Variants in PRKN observed in about 807,000 individuals in gnomAD.
The protein encoded by PRKN is parkin RBR E3 ubiquitin protein ligase.
A neutral mutation model predicts 59.5 loss-of-function variants in PRKN; 56 were observed. The ratio of observed to expected loss-of-function variants is 0.94; its 90% CI spans 0.76 to 1.18. PRKN has a LOEUF of 1.18. Ranked by LOEUF, PRKN falls within the 50% of genes most tolerant of loss-of-function variation. The pLI is 0.00. For missense variants in PRKN, 657 were observed against 596.4 expected, an observed-to-expected ratio of 1.10 and a Z score of -1.06; for synonymous variants, 250 against 222.1, an observed-to-expected ratio of 1.13 and a Z score of -1.12.
intron 6 of PRKN, among the ~76,000 whole-genome samples, chr6:161,914,328 T>G (rs1341213663): frequency 6.6e-6 from 1 of 152,178 alleles, no homozygotes; most frequent in Admixed American, 6.5e-5. Flanking sequence ...ATTTGTGACC[T>G]TTTATGAAAA....
At chr6:162,242,594 A>G (rs976510168) in intron 3 of PRKN, among the ~76,000 whole-genome samples, 1 of 152,170 alleles carries the variant, frequency 6.6e-6, no homozygotes, top group Non-Finnish European at 1.5e-5. Flanking sequence ...TCATGCAAAA[A>G]TATTTTGATA....
In PRKN at chr6:161,470,847, T is replaced by C. The variant is rs551693563; in HGVS notation, c.1083+78007A>G. 1.2e-3 allele frequency among the ~76,000 whole-genome samples: 188 copies of C among 152,224 alleles called. No individual in the cohort carries two copies. The highest frequency in any genetic ancestry group is 4.4e-3 in the African/African-American group (182 of 41,544). On this transcript the variant is annotated intron_variant, in intron 9 of 11. Transcript: ENST00000366898. The surrounding 1 kb of genome is among the most constrained non-coding windows in gnomAD (Gnocchi z 5.1). ...ATGAATCTGAGATTTGTGGGCTGGGTGTCTGCCTATGTGTGTGCAGAGAAC... is the reference window on the plus strand; with the variant it reads ...ATGAATCTGAGATTTGTGGGCTGGGCGTCTGCCTATGTGTGTGCAGAGAAC...
intron 1 of PRKN, among the ~76,000 whole-genome samples, chr6:162,589,792 C>T (rs1781228128): frequency 1.3e-5 from 2 of 152,186 alleles, no homozygotes; most frequent in South Asian, 4.1e-4. Context: ...TTTGTTTTCT[C>T]ACTTTAAAAC....
rs554798663 is a variant in PRKN at position 161,862,851 on chromosome 6, C to T, written c.735-76943G>A. ...AAGTGGTCAGAAGTAAAAGCTATTT[C>T]CTGTTTGGTTTGTTTTTTTAAGAGA... On this transcript the variant is annotated intron_variant, in intron 6 of 11. Transcript: ENST00000366898. 2.0e-5 allele frequency among the ~76,000 whole-genome samples: 3 copies of T among 152,264 alleles called. No homozygotes were observed. In the East Asian group the frequency reaches 5.8e-4, roughly 29 times the overall value.
intron 7 of PRKN, among the ~76,000 whole-genome samples, chr6:161,659,257 G>T (rs1262846579): frequency 6.6e-6 from 1 of 152,170 alleles, no homozygotes. Context: ...GAGCATATAC[G>T]CTGTGTCACA....
chr6:162,440,333 G>C (rs549891533), intron 2 of PRKN, among the ~76,000 whole-genome samples: 26 of 152,156 alleles, frequency 1.7e-4, no homozygotes, highest in African/African-American at 6.0e-4. Context: ...CAGTTAAATA[G>C]ACAAACTCGC....
intron 4 of PRKN, among the ~76,000 whole-genome samples, chr6:162,055,922 C>A (rs567810058): frequency 1.6e-4 from 24 of 152,118 alleles, no homozygotes; most frequent in African/African-American, 5.8e-4. Context: ...CCCTCCTTTA[C>A]CATTACATGT....
At chr6:161,492,903 C>T (rs1280503575) in intron 9 of PRKN, among the ~76,000 whole-genome samples, 2 of 152,118 alleles carry the variant, frequency 1.3e-5, no homozygotes, top group East Asian at 1.9e-4. Context: ...TCATGTTAGA[C>T]CAGCTGACCT....
At chr6:162,296,023 A>T (rs1562648513) in intron 2 of PRKN, among the ~76,000 whole-genome samples, 1 of 152,238 alleles carries the variant, frequency 6.6e-6, no homozygotes, top group Non-Finnish European at 1.5e-5. Flanking sequence ...AATTTTGGAA[A>T]AGTAAAAATA....
In PRKN at chr6:161,538,764, T is replaced by C. The variant is rs1583205276; in HGVS notation, c.1083+10090A>G. ...GCTGGTCTTTACCCAAGAAAAGCCC[T>C]ATTACCTCCCAGGAGCTTGTAGAGA... On this transcript the variant is annotated intron_variant, in intron 9 of 11. Transcript: ENST00000366898. This position sits in a 1 kb window ranked among gnomAD's most constrained non-coding sequence, Gnocchi z 4.2. Among the ~76,000 whole-genome samples, 1 of 152,174 alleles carries C rather than the reference T, an allele frequency of 6.6e-6. No homozygotes were observed. Among genetic ancestry groups the C allele is most frequent in the Non-Finnish European group, 1.5e-5 (1 of 68,028 alleles).
intron 6 of PRKN, among the ~76,000 whole-genome samples, chr6:161,821,609 C>G (rs1792026541): frequency 6.6e-6 from 1 of 151,932 alleles, no homozygotes; most frequent in South Asian, 2.1e-4. Context: ...TCCTAATTAT[C>G]CCTACCACTT....
intron 4 of PRKN, among the ~76,000 whole-genome samples, chr6:162,091,016 G>T (rs957263449): frequency 2.0e-5 from 3 of 152,036 alleles, no homozygotes; most frequent in African/African-American, 7.3e-5. Context: ...ACTTTAAATA[G>T]CCTTGCTAGC....
chr6:162,041,057 C>T (rs771311915), intron 5 of PRKN, among the ~76,000 whole-genome samples: 20 of 151,892 alleles, frequency 1.3e-4, no homozygotes, highest in Admixed American at 1.3e-4. Flanking sequence ...TGATGGTATG[C>T]GCCTGTAGTC....
rs746807040 is a variant in PRKN, at chr6:161,391,768, T to C, written c.1084-4891A>G. Among the ~76,000 whole-genome samples, 2 of 152,022 alleles carry C rather than the reference T, an allele frequency of 1.3e-5. No individual in the cohort carries two copies. Among genetic ancestry groups the C allele is most frequent in the Non-Finnish European group, 2.9e-5 (2 of 68,026 alleles). On this transcript the variant is annotated intron_variant, in intron 9 of 11. Coordinates refer to ENST00000366898, the MANE Select transcript of PRKN (RefSeq NM_004562.3). The surrounding 1 kb of genome is among the most constrained non-coding windows in gnomAD (Gnocchi z 4.9). ...CAATCTGTGGAAAGGCCTAAGAGCATAACTGAGCCTTCCCTGAGGAAGAAG... is the reference window on the plus strand; with the variant it reads ...CAATCTGTGGAAAGGCCTAAGAGCACAACTGAGCCTTCCCTGAGGAAGAAG...
At chr6:162,107,998 T>C (rs1417954901) in intron 4 of PRKN, among the ~76,000 whole-genome samples, 1 of 152,254 alleles carries the variant, frequency 6.6e-6, no homozygotes, top group Non-Finnish European at 1.5e-5. Flanking sequence ...TAATATACAC[T>C]ATGCACTTCT....
At chr6:162,559,937 C>T (rs1779766957) in intron 1 of PRKN, among the ~76,000 whole-genome samples, 1 of 152,170 alleles carries the variant, frequency 6.6e-6, no homozygotes. Context: ...TAATCTGTGA[C>T]CATGGCTAAA....
chr6:162,536,543 C>T (rs2846470), intron 1 of PRKN, among the ~76,000 whole-genome samples: 38,888 of 151,850 alleles, frequency 0.26, 6,194 homozygotes, highest in Non-Finnish European at 0.37. Flanking sequence ...AGCCATCTTC[C>T]CTGCTTGTCT....
chr6:161,673,914 G>A (rs1252331184), intron 7 of PRKN, among the ~76,000 whole-genome samples: 1 of 152,168 alleles, frequency 6.6e-6, no homozygotes, highest in African/African-American at 2.4e-5. Context: ...ATTCATATTT[G>A]GCATTATGAA....
At chr6:162,005,610 A>G (rs377614166) in intron 5 of PRKN, among the ~76,000 whole-genome samples, 8 of 152,210 alleles carry the variant, frequency 5.3e-5, no homozygotes, top group South Asian at 2.1e-4. Flanking sequence ...GAGTGTTGAC[A>G]GCCCGAATCT....
Sources: gnomAD v4.1 joint callset for allele counts (sites outside exome capture counted in the v4.1 genomes callset) on GRCh38, gnomAD v4.1.1 for gene constraint, Gnocchi (gnomAD v3.1) non-coding constraint, MANE v1.5 for transcripts, NCBI Gene and HGNC (gene_info 2026-07-23, HGNC 2026-07-21) for gene names.